Variants in SORCS1 observed in about 807,000 individuals in gnomAD.
The protein encoded by SORCS1 is sortilin related VPS10 domain containing receptor 1.
Under a neutral mutation model 146.1 loss-of-function variants are expected in SORCS1, and 60 were observed. The observed-to-expected ratio is 0.41, with a 90% CI of 0.33 to 0.51. The LOEUF is 0.51. Among genes scored for constraint, SORCS1 ranks in the 20% least tolerant of loss-of-function variants. The pLI, the probability that SORCS1 is intolerant of heterozygous loss-of-function variation, is 0.21. For synonymous variants in SORCS1, 637 were observed against 584.0 expected, an observed-to-expected ratio of 1.09 and a Z score of -1.31; for missense variants, 1,352 against 1,487.6, an observed-to-expected ratio of 0.91 and a Z score of 1.50.
At chr10:106,840,765 A>T (rs1268523241) in intron 2 of SORCS1, among the ~76,000 whole-genome samples, 1 of 151,244 alleles carries the variant, frequency 6.6e-6, no homozygotes, top group East Asian at 1.9e-4. Context: ...AGCAAATATC[A>T]AGGCAAGACC....
At chr10:106,741,737 C>T (rs867594340) in intron 5 of SORCS1, among the ~76,000 whole-genome samples, 3 of 152,052 alleles carry the variant, frequency 2.0e-5, no homozygotes, top group South Asian at 2.1e-4. Context: ...GGTCCCATGT[C>T]CCAGAGATTG....
At chr10:107,047,784 CCT>C (rs146263289) in intron 1 of SORCS1, among the ~76,000 whole-genome samples, 3,640 of 152,110 alleles carry the variant, frequency 0.024, 45 homozygotes, top group Non-Finnish European at 0.027. Flanking sequence ...CTCTCATACC[CCT>C]GTTTAGGAAG....
chr10:106,744,775 G>T (rs997941973), intron 5 of SORCS1, among the ~76,000 whole-genome samples: 1 of 152,084 alleles, frequency 6.6e-6, no homozygotes, highest in Non-Finnish European at 1.5e-5. Flanking sequence ...GACAGGAAAA[G>T]GTAAAACAGA....
chr10:106,617,203 C>T (rs1294422092), intron 21 of SORCS1, among the ~76,000 whole-genome samples: 1 of 152,006 alleles, frequency 6.6e-6, no homozygotes, highest in Non-Finnish European at 1.5e-5. Flanking sequence ...GACCCACCCG[C>T]CTCGGCCTCC....
At chr10:106,962,080 C>T (rs1189817151) in intron 1 of SORCS1, among the ~76,000 whole-genome samples, 1 of 152,112 alleles carries the variant, frequency 6.6e-6, no homozygotes, top group African/African-American at 2.4e-5. Flanking sequence ...CTGCCTACTG[C>T]TCATCCAAGG....
intron 10 of SORCS1, among the ~76,000 whole-genome samples, chr10:106,687,077 C>T (rs1293684535): frequency 3.3e-5 from 5 of 152,172 alleles, no homozygotes; most frequent in African/African-American, 9.7e-5. Flanking sequence ...GTTTTACAGA[C>T]ATTGATAGTA....
chr10:106,716,710 C>T (rs1004185285), intron 6 of SORCS1, among the ~76,000 whole-genome samples: 3 of 152,170 alleles, frequency 2.0e-5, no homozygotes, highest in African/African-American at 4.8e-5. Context: ...TTAGACAAAC[C>T]TTTCCATCCC....
intron 1 of SORCS1, among the ~76,000 whole-genome samples, chr10:107,158,522 C>T (rs1273754965): frequency 1.3e-5 from 2 of 152,166 alleles, no homozygotes; most frequent in Admixed American, 1.3e-4. Context: ...AGCTTGAAGG[C>T]CATCCCAGCC....
chr10:107,046,609 T>C (rs1440917959), intron 1 of SORCS1, among the ~76,000 whole-genome samples: 2 of 152,138 alleles, frequency 1.3e-5, no homozygotes, highest in African/African-American at 2.4e-5. Context: ...CATTGGGCAC[T>C]GACATGAGCC....
At chr10:106,774,440 T>A (rs1311712549) in intron 4 of SORCS1, among the ~76,000 whole-genome samples, 1 of 151,814 alleles carries the variant, frequency 6.6e-6, no homozygotes, top group Non-Finnish European at 1.5e-5. Flanking sequence ...TGTGTGTGTG[T>A]GTGTGTGTGT....
intron 5 of SORCS1, among the ~76,000 whole-genome samples, chr10:106,733,264 A>G (rs1056959522): frequency 7.9e-5 from 12 of 152,196 alleles, no homozygotes; most frequent in African/African-American, 2.9e-4. Flanking sequence ...AATTACAACT[A>G]CAAAACAAAG....
chr10:107,077,003 C>T (rs555125742), intron 1 of SORCS1, among the ~76,000 whole-genome samples: 48 of 152,258 alleles, frequency 3.2e-4, no homozygotes, highest in Non-Finnish European at 6.0e-4. Context: ...AAGATGAAAG[C>T]AGCTTGATTA....
chr10:106,672,667 G>C (rs1851695776), intron 15 of SORCS1, among the ~76,000 whole-genome samples: 1 of 152,134 alleles, frequency 6.6e-6, no homozygotes, highest in African/African-American at 2.4e-5. Context: ...TTATATCCTA[G>C]CACAATAAAA....
At chr10:106,723,520 T>C (rs956947788) in intron 6 of SORCS1, among the ~76,000 whole-genome samples, 1 of 152,152 alleles carries the variant, frequency 6.6e-6, no homozygotes, top group Non-Finnish European at 1.5e-5. Flanking sequence ...CCAATAAATA[T>C]GTTCAAAAAT....
chr10:107,074,261 T>A (rs1349898485), intron 1 of SORCS1, among the ~76,000 whole-genome samples: 1 of 152,326 alleles, frequency 6.6e-6, no homozygotes, highest in African/African-American at 2.4e-5. Flanking sequence ...TTTGGTCTTT[T>A]CCAGGATGTC....
intron 2 of SORCS1, among the ~76,000 whole-genome samples, chr10:106,945,214 G>A (rs770306537): frequency 1.1e-4 from 17 of 151,946 alleles, no homozygotes; most frequent in African/African-American, 4.1e-4. Flanking sequence ...GTATAGATAC[G>A]AATGGCTTCT....
intron 1 of SORCS1, among the ~76,000 whole-genome samples, chr10:107,160,425 A>G (rs1969612892): frequency 6.6e-6 from 1 of 152,198 alleles, no homozygotes; most frequent in African/African-American, 2.4e-5. Flanking sequence ...TTCTGTGAAA[A>G]ATTAAGTGAG....
At chr10:106,788,412 G>C (rs1047910889) in intron 3 of SORCS1, among the ~76,000 whole-genome samples, 2 of 152,146 alleles carry the variant, frequency 1.3e-5, no homozygotes, top group Non-Finnish European at 2.9e-5. Flanking sequence ...TCTCATCTGA[G>C]ACAAATCAAG....
rs147102329 is a variant in SORCS1, at chr10:106,724,767, C to T, written c.1024+5283G>A. On this transcript the variant is annotated intron_variant, in intron 6 of 25. Coordinates refer to ENST00000263054, the MANE Select transcript of SORCS1 (RefSeq NM_052918.5). ...CCAAACTGGCAAGTGGGGGATTTTT[C>T]CTGTGTCAAATGTCTCAGTATCTTG... Among the ~76,000 whole-genome samples the T allele has an allele frequency of 2.6e-3, 395 of 152,270 alleles. 3 individuals carry two copies. Among genetic ancestry groups the T allele is most frequent in the Non-Finnish European group, 4.4e-3 (298 of 68,000 alleles).
Sources: allele counts gnomAD v4.1 joint callset (sites outside exome capture counted in the v4.1 genomes callset), GRCh38; gene constraint gnomAD v4.1.1; transcripts MANE v1.5; gene names NCBI Gene and HGNC (gene_info 2026-07-23, HGNC 2026-07-21).